Variants in KIRREL3 observed in about 807,000 individuals in gnomAD.
The protein encoded by KIRREL3 is kirre like nephrin family adhesion molecule 3.
KIRREL3 carries 36 observed loss-of-function variants against 89.7 expected under a neutral mutation model. The ratio of observed to expected loss-of-function variants is 0.40; its 90% CI spans 0.31 to 0.53. The LOEUF (loss-of-function observed/expected upper bound fraction) is 0.53. KIRREL3 is among the 20% of genes least tolerant of loss of function. The pLI is 0.49. For missense variants in KIRREL3, 864 were observed against 1,056.6 expected (o/e 0.82, Z 2.53); for synonymous variants, 445 against 441.4 (o/e 1.01, Z -0.10).
At chr11:126,834,988 G>A (rs1293405226) in intron 1 of KIRREL3, among the ~76,000 whole-genome samples, 2 of 152,214 alleles carry the variant, frequency 1.3e-5, no homozygotes, top group Non-Finnish European at 2.9e-5. Flanking sequence ...CTCCAGTTGT[G>A]TGTTTTGCAG....
At chr11:126,735,540 G>A (rs1008268216) in intron 1 of KIRREL3, among the ~76,000 whole-genome samples, 5 of 152,204 alleles carry the variant, frequency 3.3e-5, no homozygotes, top group African/African-American at 1.2e-4. Context: ...GCCCAGACCA[G>A]GGATATGATC....
chr11:126,531,474 AC>A lies in KIRREL3; in HGVS notation c.134-4788del, dbSNP rs2134458149. Reference sequence around the variant, plus strand: ...CTTTTCTTCCTGGGAGCTCCACAGCACCCCCGTGCTGGCTAGTCACTAAGGT... The same window carrying A: ...CTTTTCTTCCTGGGAGCTCCACAGCACCCCGTGCTGGCTAGTCACTAAGGT... On this transcript the variant is annotated intron_variant, in intron 2 of 16. Transcript: ENST00000525144. This position sits in a 1 kb window ranked among gnomAD's most constrained non-coding sequence, Gnocchi z 4.7. Among the ~76,000 whole-genome samples, 2 of 150,768 alleles carry A rather than the reference AC, an allele frequency of 1.3e-5. No individual in the cohort carries two copies. Among genetic ancestry groups the A allele is most frequent in the South Asian group, 4.2e-4 (2 of 4,732 alleles).
At chr11:126,716,250 G>A (rs945320308) in intron 1 of KIRREL3, among the ~76,000 whole-genome samples, 1 of 152,138 alleles carries the variant, frequency 6.6e-6, no homozygotes, top group African/African-American at 2.4e-5. Flanking sequence ...GCAAGATTTT[G>A]AAACTCTTAA....
Position 126,817,881 on chromosome 11 carries a change from G to A in KIRREL3, c.55+182574C>T, listed in dbSNP as rs1451354780. ...TGTGGACCCACTACAACCCACGGGT[G>A]GGAAGCTCTAGATCTTGGCACCCCG... On this transcript the variant is annotated intron_variant, in intron 1 of 16. Coordinates refer to ENST00000525144, the MANE Select transcript of KIRREL3 (RefSeq NM_032531.4). This position sits in a 1 kb window ranked among gnomAD's most constrained non-coding sequence, Gnocchi z 5.7. Among the ~76,000 whole-genome samples, 2 of 152,192 alleles carry A rather than the reference G, an allele frequency of 1.3e-5. No individual in the cohort carries two copies. Among genetic ancestry groups the A allele is most frequent in the Non-Finnish European group, 2.9e-5 (2 of 68,044 alleles).
chr11:126,690,418 C>T (rs1194892052), intron 1 of KIRREL3, among the ~76,000 whole-genome samples: 1 of 151,242 alleles, frequency 6.6e-6, no homozygotes, highest in Admixed American at 6.6e-5. Context: ...AAAAATAATC[C>T]CCCTTCCCTC....
chr11:126,988,301 C>T (rs1296611009), intron 1 of KIRREL3, among the ~76,000 whole-genome samples: 1 of 152,162 alleles, frequency 6.6e-6, no homozygotes, highest in African/African-American at 2.4e-5. Context: ...CAGTCGCTAG[C>T]CATGGAGGAA....
rs1230692285 is a variant in KIRREL3 at position 126,990,265 on chromosome 11, C to T, written c.55+10190G>A. On this transcript the variant is annotated intron_variant, in intron 1 of 16. Transcript: ENST00000525144. The surrounding 1 kb of genome is among the most constrained non-coding windows in gnomAD (Gnocchi z 6.3). Reference sequence around the variant, plus strand: ...TGAAGCTCTCTCAAGCCCCTCTGAGCATTTGCAATTGTACCCCCTTAGCTG... The same window carrying T: ...TGAAGCTCTCTCAAGCCCCTCTGAGTATTTGCAATTGTACCCCCTTAGCTG... Among the ~76,000 whole-genome samples, 1 of 152,170 alleles carries T rather than the reference C, an allele frequency of 6.6e-6. No homozygotes were observed.
At position 126,909,605 on chromosome 11, in the gene KIRREL3, G is replaced by A. The variant is rs1414536497; in HGVS notation, c.55+90850C>T. Among the ~76,000 whole-genome samples, 1 of 152,148 alleles carries A rather than the reference G, an allele frequency of 6.6e-6. No individual in the cohort carries two copies. Among genetic ancestry groups the A allele is most frequent in the East Asian group, 1.9e-4 (1 of 5,180 alleles). ...GCTGAATGGAGTCGCAACAGCACCTGTCTCTGGTGTCCTCCACCCTTTCAG... is the reference window on the plus strand; with the variant it reads ...GCTGAATGGAGTCGCAACAGCACCTATCTCTGGTGTCCTCCACCCTTTCAG... On this transcript the variant is annotated intron_variant, in intron 1 of 16. Coordinates refer to ENST00000525144, the MANE Select transcript of KIRREL3 (RefSeq NM_032531.4). This position sits in a 1 kb window ranked among gnomAD's most constrained non-coding sequence, Gnocchi z 4.5.
At chr11:126,665,391 G>A (rs1945613729) in intron 1 of KIRREL3, among the ~76,000 whole-genome samples, 1 of 152,162 alleles carries the variant, frequency 6.6e-6, no homozygotes, top group Non-Finnish European at 1.5e-5. Flanking sequence ...GCATTTTAAT[G>A]AGAACATGCT....
chr11:126,840,011 C>T (rs982689428), intron 1 of KIRREL3, among the ~76,000 whole-genome samples: 1 of 152,176 alleles, frequency 6.6e-6, no homozygotes, highest in Admixed American at 6.5e-5. Context: ...TAATCGACTT[C>T]TCACTAGGGA....
At chr11:126,863,670 TGTGA>T (rs1367366163) in intron 1 of KIRREL3, among the ~76,000 whole-genome samples, 6 of 151,984 alleles carry the variant, frequency 3.9e-5, no homozygotes, top group South Asian at 4.1e-4. Flanking sequence ...TGAGTGTATG[TGTGA>T]GTGAGTGTGC....
chr11:126,943,848 G>A lies in KIRREL3; in HGVS notation c.55+56607C>T, dbSNP rs1948535602. The stretch of plus-strand genomic sequence containing the variant: ...AACGGCTAATCTCAAGGTTTAGGAG[G>A]TGAGGGGGACATAGTATCATTCGGT... On this transcript the variant is annotated intron_variant, in intron 1 of 16. Coordinates refer to ENST00000525144, the MANE Select transcript of KIRREL3 (RefSeq NM_032531.4). The surrounding 1 kb of genome is among the most constrained non-coding windows in gnomAD (Gnocchi z 4.2). 6.6e-6 allele frequency among the ~76,000 whole-genome samples: 1 copy of A among 152,212 alleles called. No homozygotes were observed.
At chr11:126,448,681 G>A (rs1010997479) in intron 8 of KIRREL3, among the ~76,000 whole-genome samples, 1 of 152,100 alleles carries the variant, frequency 6.6e-6, no homozygotes, top group Non-Finnish European at 1.5e-5. Flanking sequence ...GGATGCCACA[G>A]CAAGAAGGCA....
chr11:126,871,602 A>G (rs899188597), intron 1 of KIRREL3, among the ~76,000 whole-genome samples: 3 of 152,204 alleles, frequency 2.0e-5, no homozygotes, highest in African/African-American at 7.2e-5. Flanking sequence ...ATCTACTATG[A>G]GAAAACCTGG....
chr11:126,790,883 G>A (rs1236728364), intron 1 of KIRREL3, among the ~76,000 whole-genome samples: 1 of 152,128 alleles, frequency 6.6e-6, no homozygotes, highest in African/African-American at 2.4e-5. Flanking sequence ...GATCCCAGGG[G>A]GCAAATGACG....
intron 1 of KIRREL3, among the ~76,000 whole-genome samples, chr11:126,959,892 C>T (rs542316237): frequency 2.6e-5 from 4 of 152,322 alleles, no homozygotes; most frequent in East Asian, 1.9e-4. Context: ...CTATAGACCA[C>T]GTGTCACCAT....
At position 126,544,242 on chromosome 11, in the gene KIRREL3, A is replaced by G. The variant is rs2134504298; in HGVS notation, c.134-17555T>C. On this transcript the variant is annotated intron_variant, in intron 2 of 16. Coordinates refer to ENST00000525144, the MANE Select transcript of KIRREL3 (RefSeq NM_032531.4). This position sits in a 1 kb window ranked among gnomAD's most constrained non-coding sequence, Gnocchi z 5.6. ...TGTCTGTAATTAGTTACTGTATATC[A>G]CGGTTAGTACTCTGCTCAGAATTTA... 1 of 152,316 alleles carries G rather than the reference A, an allele frequency of 6.6e-6. No homozygotes were observed. Among genetic ancestry groups the G allele is most frequent in the South Asian group, 2.1e-4 (1 of 4,824 alleles). The allele number at this position is 152,316 out of a possible 1,614,324, so 9.4% of individuals were successfully genotyped here.
rs542055209 is a variant in KIRREL3 at position 126,608,457 on chromosome 11, G to T, written c.56-45545C>A. On this transcript the variant is annotated intron_variant, in intron 1 of 16. Coordinates refer to ENST00000525144, the MANE Select transcript of KIRREL3 (RefSeq NM_032531.4). This position sits in a 1 kb window ranked among gnomAD's most constrained non-coding sequence, Gnocchi z 4.9. ...TTTTCCACCAGGTTTAGCCCCTGGTGCCCTTCCTCTGTCTGTGGGAGGTGC... is the reference window on the plus strand; with the variant it reads ...TTTTCCACCAGGTTTAGCCCCTGGTTCCCTTCCTCTGTCTGTGGGAGGTGC... Among the ~76,000 whole-genome samples, 1 of 144,378 alleles carries T rather than the reference G, an allele frequency of 6.9e-6. No homozygotes were observed. The highest frequency in any genetic ancestry group is 1.9e-4 in the East Asian group (1 of 5,176). The allele number at this position is 144,378 out of a possible 152,430, so 94.7% of individuals were successfully genotyped here. A position where few individuals can be genotyped will look rare whatever the true frequency, so the allele number is the denominator to read the frequency against.
At chr11:126,435,131 A>G (rs973688914) in intron 13 of KIRREL3, 137 bp downstream of exon 13, 4 of 912,650 alleles carry the variant, frequency 4.4e-6, no homozygotes, top group Non-Finnish European at 6.9e-6. Flanking sequence ...TGTCTACACT[A>G]AACCCTCAGG....
Sources: allele counts gnomAD v4.1 joint callset (sites outside exome capture counted in the v4.1 genomes callset), GRCh38; gene constraint gnomAD v4.1.1; non-coding constraint Gnocchi (gnomAD v3.1); transcripts MANE v1.5; gene names NCBI Gene and HGNC (gene_info 2026-07-23, HGNC 2026-07-21).